The following FAM20C variants were observed in gnomAD, a reference collection of about 807,000 sequenced individuals.
FAM20C encodes FAM20C golgi associated secretory pathway kinase, also known as extracellular serine/threonine protein kinase FAM20C.
In FAM20C, 40 loss-of-function variants were observed where a neutral mutation model predicts 51.5. The ratio of observed to expected loss-of-function variants is 0.78; its 90% CI spans 0.60 to 1.01. The LOEUF (loss-of-function observed/expected upper bound fraction) is 1.01, where lower values mean the gene tolerates loss of function less well. FAM20C is among the 50% of genes least tolerant of loss of function. The pLI, the probability that FAM20C is intolerant of heterozygous loss-of-function variation, is 0.00. For missense variants in FAM20C, 861 were observed against 844.7 expected (o/e 1.02, Z -0.24); for synonymous variants, 406 against 380.6 (o/e 1.07, Z -0.78).
intron 5 of FAM20C, among the ~76,000 whole-genome samples, chr7:251,177 ACT>A (rs1381867727): frequency 2.0e-5 from 3 of 150,274 alleles, no homozygotes; most frequent in Non-Finnish European, 4.5e-5. Flanking sequence ...TCACGCCTGC[ACT>A]GAGTGGCCGG....
At chr7:209,943 C>A (rs945028664) in intron 3 of FAM20C, among the ~76,000 whole-genome samples, 1 of 152,204 alleles carries the variant, frequency 6.6e-6, no homozygotes, top group African/African-American at 2.4e-5. Flanking sequence ...AGGGACTCGA[C>A]CGAGGGAGGT....
At chr7:228,710 C>G (rs1404248497) in intron 3 of FAM20C, 1 of 456,264 alleles carries the variant, frequency 2.2e-6, no homozygotes, top group African/African-American at 2.0e-5. Flanking sequence ...CTGCCAGCCT[C>G]CACGGCACCT....
At chr7:236,026 C>T (rs1787837432) in intron 3 of FAM20C, among the ~76,000 whole-genome samples, 1 of 152,254 alleles carries the variant, frequency 6.6e-6, no homozygotes, top group Admixed American at 6.5e-5. Flanking sequence ...CTGCCCTCCT[C>T]ACCTGGCATA....
At chr7:228,472 TCAA>T (rs1407953404) in intron 3 of FAM20C, 1 of 455,216 alleles carries the variant, frequency 2.2e-6, no homozygotes, top group Non-Finnish European at 4.4e-6. Context: ...CAGTGTGGGG[TCAA>T]CAAGCCAGGT....
chr7:211,204 C>T (rs1786694216), intron 3 of FAM20C, among the ~76,000 whole-genome samples: 1 of 147,992 alleles, frequency 6.8e-6, no homozygotes, highest in Admixed American at 6.7e-5. Flanking sequence ...CCTCCTCCAA[C>T]CTCCCTCAGC....
At position 255,994 on chromosome 7, in the gene FAM20C, T is replaced by A. The variant is rs144007479; in HGVS notation, c.1218T>A (p.Pro406=). 0.028 allele frequency: 43,375 copies of A among 1,536,036 alleles called. 730 individuals are homozygous for A. Among genetic ancestry groups the A allele is most frequent in the Middle Eastern group, 0.038 (226 of 5,980 alleles). ...SLAKRKTWRN[P]WRRSYHKRKK... is the part of the protein sequence containing the mutation. Reference sequence around the variant, plus strand: ...CCAAGAGGAAGACCTGGCGGAACCCTTGGCGGCGTTCCTACCACAAGCGCA... The same window carrying A: ...CCAAGAGGAAGACCTGGCGGAACCCATGGCGGCGTTCCTACCACAAGCGCA... Residue 406 remains proline (P), a synonymous_variant, in exon 6 of 10, where the codon CCT becomes CCA. Coordinates refer to ENST00000313766, the MANE Select transcript of FAM20C (RefSeq NM_020223.4).
rs573589415 is a variant in FAM20C, at chr7:252,207, G to A, written c.1073-3642G>A. 4.6e-5 allele frequency among the ~76,000 whole-genome samples: 7 copies of A among 150,966 alleles called. No individual in the cohort carries two copies. The South Asian group carries it at 8.4e-4, about 18-fold the overall frequency. On this transcript the variant is annotated intron_variant, in intron 5 of 9. Transcript: ENST00000313766. Reference sequence around the variant, plus strand: ...CTGAGCCCACTGTAGACACCCCCTCGGCCTCCCGACCAAGGATGCCAGGTC... The same window carrying A: ...CTGAGCCCACTGTAGACACCCCCTCAGCCTCCCGACCAAGGATGCCAGGTC...
At chr7:256,597 G>A (rs899287612) in intron 6 of FAM20C, 57 bp from the exon 7 acceptor site, 78 of 1,399,206 alleles carry the variant, frequency 5.6e-5, no homozygotes, top group Middle Eastern at 1.9e-4. Context: ...CTCATGGCAC[G>A]CGCCGGGCTC....
rs1047232801 is a variant in FAM20C, at chr7:260,042, C to T, written c.*62C>T. On this transcript the variant is annotated 3_prime_UTR_variant, in exon 10 of 10. Transcript: ENST00000313766. ...GAGGCGCCGGACCTCCCAGCAAGCG[C>T]ATGCGCCCGTCGTGAATTCAGTGAA... 1.2e-5 allele frequency: 17 copies of T among 1,442,688 alleles called. No individual in the cohort carries two copies. The African/African-American group carries it at 1.7e-4, about 14-fold the overall frequency. The allele number at this position is 1,442,688 out of a possible 1,614,324, so 89.4% of individuals were successfully genotyped here.
At chr7:219,249 G>A (rs1344742579) in intron 3 of FAM20C, among the ~76,000 whole-genome samples, 1 of 152,166 alleles carries the variant, frequency 6.6e-6, no homozygotes, top group Non-Finnish European at 1.5e-5. Context: ...GGAGAATGGG[G>A]GGAGGGGCTG....
intron 3 of FAM20C, among the ~76,000 whole-genome samples, chr7:240,347 GATAA>G (rs1787900591): frequency 3.2e-3 from 1 of 312 alleles, no homozygotes; most frequent in African/African-American, 0.014. Context: ...TTATGATGTT[GATAA>G]AGGATGATAA....
At chr7:258,821 C>A in intron 9 of FAM20C, 116 bp downstream of exon 9, 2 of 1,059,276 alleles carry the variant, frequency 1.9e-6, no homozygotes, top group Non-Finnish European at 2.7e-6. Context: ...GAGAAAAGGC[C>A]CCGAATTCAA....
chr7:250,229 T>C (rs1318757101), intron 5 of FAM20C, among the ~76,000 whole-genome samples: 2 of 152,162 alleles, frequency 1.3e-5, no homozygotes, highest in Non-Finnish European at 1.5e-5. Flanking sequence ...AATGCATTCA[T>C]GAATTTGTCA....
intron 3 of FAM20C, among the ~76,000 whole-genome samples, chr7:217,573 C>A (rs1787059219): frequency 6.6e-6 from 1 of 152,156 alleles, no homozygotes; most frequent in Non-Finnish European, 1.5e-5. Context: ...TGGCAGACAG[C>A]TGCCTGGTGC....
chr7:241,025 G>C (rs897149824), intron 3 of FAM20C, among the ~76,000 whole-genome samples: 8,477 of 152,294 alleles, frequency 0.056, 299 homozygotes, highest in Non-Finnish European at 0.085. Context: ...TGAGGTTTCT[G>C]CACTGATTGG....
chr7:210,853 C>T (rs28461457), intron 3 of FAM20C, among the ~76,000 whole-genome samples: 16,770 of 152,124 alleles, frequency 0.11, 1,171 homozygotes, highest in East Asian at 0.3. Context: ...TACCGAGCCG[C>T]TGCTCTAACC....
chr7:222,800 T>G (rs1026513356), intron 3 of FAM20C, among the ~76,000 whole-genome samples: 2 of 152,052 alleles, frequency 1.3e-5, no homozygotes, highest in Non-Finnish European at 2.9e-5. Flanking sequence ...GTGCATTGCC[T>G]GTGTATGCAT....
Position 222,052 on chromosome 7 carries a change from T to C in FAM20C, c.863+13076T>C, listed in dbSNP as rs796502964. ...TAGCATCTGGGCACAGGGCGGAGCC[T>C]CGTCTCCAGCAGGGCAGGGGGCTGC... On this transcript the variant is annotated intron_variant, in intron 3 of 9. Transcript: ENST00000313766. 1.2e-3 allele frequency among the ~76,000 whole-genome samples: 126 copies of C among 107,766 alleles called. 1 individual carries two copies. The South Asian group carries it at 0.037, about 32-fold the overall frequency. The allele number at this position is 107,766 out of a possible 152,430, so 70.7% of individuals were successfully genotyped here. A position where few individuals can be genotyped will look rare whatever the true frequency, so the allele number is the denominator to read the frequency against.
intron 1 of FAM20C, among the ~76,000 whole-genome samples, chr7:194,345 C>T (rs1210552152): frequency 2.0e-5 from 3 of 152,032 alleles, no homozygotes; most frequent in Non-Finnish European, 2.9e-5. Context: ...GAGATGATGG[C>T]TCGATAAAGG....
Sources: gnomAD v4.1 joint callset for allele counts (sites outside exome capture counted in the v4.1 genomes callset) on GRCh38, gnomAD v4.1.1 for gene constraint, MANE v1.5 for transcripts, NCBI Gene and HGNC (gene_info 2026-07-23, HGNC 2026-07-21) for gene names.